The following DNAH17 variants were observed in gnomAD, a reference collection of about 807,000 sequenced individuals.
DNAH17 encodes the protein dynein axonemal heavy chain 17, also known as axonemal beta dynein heavy chain 17.
In DNAH17, 376 loss-of-function variants were observed where a neutral mutation model predicts 485.6. That is an observed-to-expected ratio of 0.77 (90% CI 0.71 to 0.84). DNAH17 has a LOEUF of 0.84. Ranked by LOEUF, DNAH17 falls within the 40% of genes least tolerant of loss-of-function variation. The pLI is 0.00. For synonymous variants in DNAH17, 3,031 were observed against 2,405.9 expected (o/e 1.26, Z -7.60); for missense variants, 6,370 against 5,839.3 (o/e 1.09, Z -2.96).
chr17:78,462,386 C>T (rs1302593804), intron 57 of DNAH17, among the ~76,000 whole-genome samples: 2 of 151,932 alleles, frequency 1.3e-5, no homozygotes, highest in African/African-American at 2.4e-5. Context: ...CAATGGTGGG[C>T]AATAAAGATG....
chr17:78,533,689 T>C (rs144199961), intron 19 of DNAH17, among the ~76,000 whole-genome samples: 1 of 152,174 alleles, frequency 6.6e-6, no homozygotes, highest in Non-Finnish European at 1.5e-5. Context: ...AATTTTGACA[T>C]CTTATTTCTT....
At chr17:78,560,707 G>A in intron 13 of DNAH17, 33 bp downstream of exon 13, 3 of 1,520,766 alleles carry the variant, frequency 2.0e-6, no homozygotes, top group Non-Finnish European at 2.7e-6. Context: ...CTCCCAAGGA[G>A]CCTTTGACGC....
At chr17:78,571,490 C>T in intron 4 of DNAH17, 100 bp downstream of exon 4, 14 of 1,501,008 alleles carry the variant, frequency 9.3e-6, no homozygotes, top group Non-Finnish European at 1.2e-5. Context: ...TCATCAGAGC[C>T]CTCAGGACTC....
intron 27 of DNAH17, 73 bp downstream of exon 27, chr17:78,510,311 G>T (rs540015777): frequency 8.3e-5 from 131 of 1,584,400 alleles, no homozygotes; most frequent in Non-Finnish European, 1.1e-4. Flanking sequence ...CCCTCTGGGC[G>T]CTCTCAGTGG....
intron 9 of DNAH17, among the ~76,000 whole-genome samples, chr17:78,567,917 C>A (rs1250256736): frequency 1.3e-5 from 2 of 152,192 alleles, no homozygotes; most frequent in Non-Finnish European, 2.9e-5. Context: ...AGGCACAGTG[C>A]AGGCAGAGTT....
intron 68 of DNAH17, 54 bp downstream of exon 68, chr17:78,450,200 C>G: frequency 3.7e-6 from 6 of 1,604,304 alleles, no homozygotes; most frequent in Non-Finnish European, 5.1e-6. Context: ...GGCTGTGGAG[C>G]CCAGATGCAG....
intron 54 of DNAH17, among the ~76,000 whole-genome samples, chr17:78,474,900 G>A (rs58939014): frequency 0.21 from 26,681 of 127,462 alleles, 3,100 homozygotes; most frequent in African/African-American, 0.39. Context: ...ACATGGGCCG[G>A]GAGGTTTCAC....
chr17:78,536,284 A>G (rs1964451), intron 19 of DNAH17, among the ~76,000 whole-genome samples: 34,876 of 151,616 alleles, frequency 0.23, 4,546 homozygotes, highest in Non-Finnish European at 0.28. Context: ...CTAAAAATAT[A>G]TAAAAAAAAA....
chr17:78,500,276 G>A (rs769974819), intron 36 of DNAH17, 29 bp downstream of exon 36: 3 of 1,589,644 alleles, frequency 1.9e-6, no homozygotes, highest in Non-Finnish European at 2.6e-6. Flanking sequence ...GAAGACTCTG[G>A]GTCCCTCCTC....
At chr17:78,431,086 C>T (rs937523683) in intron 75 of DNAH17, among the ~76,000 whole-genome samples, 2 of 152,202 alleles carry the variant, frequency 1.3e-5, no homozygotes, top group East Asian at 3.9e-4. Flanking sequence ...GCTGTGTTGG[C>T]CAGGCTGGTC....
intron 55 of DNAH17, 70 bp from the exon 56 acceptor site, chr17:78,466,886 A>T (rs941461131): frequency 1.9e-5 from 27 of 1,418,956 alleles, no homozygotes; most frequent in Admixed American, 5.3e-5. Context: ...ATCACTCTGC[A>T]GAAAGCTCTG....
intron 16 of DNAH17, among the ~76,000 whole-genome samples, chr17:78,549,873 C>G (rs1598707155): frequency 2.6e-5 from 4 of 152,326 alleles, no homozygotes; most frequent in Admixed American, 2.6e-4. Context: ...GCTGAAGATT[C>G]AGAAGCCCGT....
intron 62 of DNAH17, among the ~76,000 whole-genome samples, chr17:78,457,176 C>G (rs1287034567): frequency 6.6e-6 from 1 of 152,108 alleles, no homozygotes; most frequent in Non-Finnish European, 1.5e-5. Flanking sequence ...TTCGAGACCA[C>G]CCCGGCCAAC....
chr17:78,448,890 A>C (rs2146486252), intron 69 of DNAH17, among the ~76,000 whole-genome samples: 1 of 152,342 alleles, frequency 6.6e-6, no homozygotes, highest in Non-Finnish European at 1.5e-5. Context: ...GGACCATGAG[A>C]AATAAATTTC....
intron 16 of DNAH17, among the ~76,000 whole-genome samples, chr17:78,544,773 C>T (rs1286989057): frequency 8.9e-6 from 1 of 112,964 alleles, no homozygotes; most frequent in African/African-American, 3.6e-5. Context: ...TCCACTCCAG[C>T]CTGGGGCACA....
rs556824181 is a variant in DNAH17, at chr17:78,522,669, G to A, written c.3864+2340C>T. On this transcript the variant is annotated intron_variant, in intron 25 of 80. Transcript: ENST00000389840. ...GCTGGCCGGCTGCTTCCTGAATGCT[G>A]AGCATGCACGGAAATTCCAAAGTTC... 1.0e-4 allele frequency: 21 copies of A among 209,956 alleles called. No individual in the cohort carries two copies. In the South Asian group the frequency reaches 1.4e-3, roughly 14 times the overall value. The allele number at this position is 209,956 out of a possible 1,614,324, so 13.0% of individuals were successfully genotyped here.
At chr17:78,556,952 C>T (rs60564437) in intron 14 of DNAH17, among the ~76,000 whole-genome samples, 4,841 of 152,308 alleles carry the variant, frequency 0.032, 144 homozygotes, top group Middle Eastern at 0.088. Context: ...CTCCGGTTCC[C>T]GACTCGGCTT....
intron 11 of DNAH17, among the ~76,000 whole-genome samples, chr17:78,565,987 A>G (rs564002606): frequency 6.6e-5 from 10 of 152,144 alleles, no homozygotes; most frequent in South Asian, 2.1e-4. Context: ...AACAAAACAA[A>G]AAACAAACAA....
At chr17:78,451,697 T>C in intron 65 of DNAH17, 24 bp from the exon 66 acceptor site, 1 of 1,538,436 alleles carries the variant, frequency 6.5e-7, no homozygotes, top group Non-Finnish European at 8.8e-7. Flanking sequence ...GAGGAAAGGG[T>C]TAGTGGGCCT....
Sources: allele counts gnomAD v4.1 joint callset (sites outside exome capture counted in the v4.1 genomes callset), GRCh38; gene constraint gnomAD v4.1.1; transcripts MANE v1.5; gene names NCBI Gene and HGNC (gene_info 2026-07-23, HGNC 2026-07-21).